Variants in ZPLD1 observed in about 807,000 individuals in gnomAD.
ZPLD1 encodes zona pellucida-like domain-containing protein 1.
A neutral mutation model predicts 47.2 loss-of-function variants in ZPLD1; 34 were observed. The observed-to-expected ratio is 0.72, with a 90% CI of 0.55 to 0.96. The LOEUF (loss-of-function observed/expected upper bound fraction) is 0.96, where lower values mean the gene tolerates loss of function less well. Ranked by LOEUF, ZPLD1 falls within the 40% of genes least tolerant of loss-of-function variation. The pLI is 0.00. For missense variants in ZPLD1, 512 were observed against 505.8 expected (o/e 1.01, Z -0.12); for synonymous variants, 176 against 186.2 (o/e 0.95, Z 0.45).
At chr3:102,438,778 T>A (rs1427281851) in intron 3 of ZPLD1, among the ~76,000 whole-genome samples, 185 bp downstream of exon 3, 1 of 151,872 alleles carries the variant, frequency 6.6e-6, no homozygotes, top group Non-Finnish European at 1.5e-5. Context: ...ACATACAAAG[T>A]GTTCATCATA....
intron 7 of ZPLD1, among the ~76,000 whole-genome samples, chr3:102,411,418 A>G (rs1281170282): frequency 6.6e-6 from 1 of 151,782 alleles, no homozygotes; most frequent in Non-Finnish European, 1.5e-5. Context: ...TGAGCTTTAT[A>G]ATTTTTCTAG....
intron 4 of ZPLD1, 142 bp downstream of exon 4, chr3:102,453,281 C>T (rs1280641009): frequency 5.5e-6 from 4 of 726,474 alleles, no homozygotes; most frequent in Admixed American, 2.8e-5. Context: ...CTGTTTGAGG[C>T]ATGCACTAGC....
intron 7 of ZPLD1, among the ~76,000 whole-genome samples, chr3:102,414,036 C>A (rs1706776609): frequency 1.3e-5 from 2 of 151,686 alleles, no homozygotes; most frequent in Non-Finnish European, 2.9e-5. Flanking sequence ...TGTGTGCTTT[C>A]CAGTTGGACA....
At chr3:102,421,248 A>G (rs1706875400) in intron 8 of ZPLD1, among the ~76,000 whole-genome samples, 1 of 151,926 alleles carries the variant, frequency 6.6e-6, no homozygotes, top group Non-Finnish European at 1.5e-5. Context: ...TCATTACATG[A>G]CAGAATATAA....
chr3:102,456,970 G>A (rs147973870), intron 5 of ZPLD1, among the ~76,000 whole-genome samples: 6 of 152,226 alleles, frequency 3.9e-5, no homozygotes, highest in East Asian at 3.9e-4. Context: ...TTATATTCAC[G>A]TATGCATTAT....
At chr3:102,447,384 C>T (rs1185067681) in intron 3 of ZPLD1, among the ~76,000 whole-genome samples, 1 of 152,084 alleles carries the variant, frequency 6.6e-6, no homozygotes, top group Non-Finnish European at 1.5e-5. Flanking sequence ...TTTTCTTTTA[C>T]ACTATACACT....
chr3:102,409,718 T>G (rs555506948), intron 7 of ZPLD1, among the ~76,000 whole-genome samples: 2 of 151,900 alleles, frequency 1.3e-5, no homozygotes, highest in South Asian at 4.1e-4. Context: ...GGAGTTTCCA[T>G]TTTTTGCTGA....
rs138855556 is a variant in ZPLD1, at chr3:102,440,137, A to G, written c.106+1544A>G. 9.0e-3 allele frequency among the ~76,000 whole-genome samples: 1,369 copies of G among 152,314 alleles called. 18 individuals carry two copies. Among genetic ancestry groups the G allele is most frequent in the African/African-American group, 0.03 (1,261 of 41,566 alleles). On this transcript the variant is annotated intron_variant, in intron 3 of 11. Transcript: ENST00000466937. The stretch of plus-strand genomic sequence containing the variant: ...GAGAACATGTGTTATGTAGTGTAAT[A>G]AAAGTGTTTTCTCTTAATTTTGAAT...
At chr3:102,454,526 C>G (rs751818510) in intron 4 of ZPLD1, among the ~76,000 whole-genome samples, 10 of 152,118 alleles carry the variant, frequency 6.6e-5, no homozygotes, top group African/African-American at 2.4e-4. Context: ...AATGTGTGTG[C>G]TGTTTACCTT....
intron 7 of ZPLD1, among the ~76,000 whole-genome samples, chr3:102,394,947 C>T (rs924538216): frequency 6.6e-6 from 1 of 152,024 alleles, no homozygotes; most frequent in Non-Finnish European, 1.5e-5. Context: ...AAAGGTAAAG[C>T]CATTATAGGT....
At chr3:102,438,674 G>A in intron 3 of ZPLD1, 81 bp downstream of exon 3, 2 of 990,196 alleles carry the variant, frequency 2.0e-6, no homozygotes, top group Non-Finnish European at 3.1e-6. Flanking sequence ...AAATATATAT[G>A]GAGAACGGGG....
At position 102,470,456 on chromosome 3, in the gene ZPLD1, T is replaced by C. The variant is rs759989433; in HGVS notation, c.996T>C (p.Ser332=). 1 of 1,614,052 alleles carries C rather than the reference T, an allele frequency of 6.2e-7. No individual in the cohort carries two copies. The highest frequency in any genetic ancestry group is 2.2e-5 in the East Asian group (1 of 44,872). ...GRRTTWSPQS[S]SGSAVLSAGP... Reference sequence around the variant, plus strand: ...GGACGACTTGGAGCCCCCAGAGCTCTTCTGGCAGCGCGGTGCTCTCTGCTG... The same window carrying C: ...GGACGACTTGGAGCCCCCAGAGCTCCTCTGGCAGCGCGGTGCTCTCTGCTG... Residue 332 remains serine (S), a synonymous_variant, in exon 10 of 12, where the codon TCT becomes TCC. Transcript: ENST00000466937.
intron 3 of ZPLD1, among the ~76,000 whole-genome samples, chr3:102,452,494 T>C (rs1458621740): frequency 1.3e-5 from 2 of 152,206 alleles, no homozygotes; most frequent in Non-Finnish European, 2.9e-5. Context: ...TTTCAACTGC[T>C]TTCTCCTTAT....
At chr3:102,459,754 C>A (rs570668330) in intron 6 of ZPLD1, among the ~76,000 whole-genome samples, 1 of 152,056 alleles carries the variant, frequency 6.6e-6, no homozygotes, top group African/African-American at 2.4e-5. Flanking sequence ...CCCACATATA[C>A]CCCCTCCCCT....
intron 8 of ZPLD1, among the ~76,000 whole-genome samples, chr3:102,420,264 G>C (rs1706861309): frequency 6.6e-6 from 1 of 151,856 alleles, no homozygotes; most frequent in Non-Finnish European, 1.5e-5. Context: ...AAGGCTTGCA[G>C]AAAAATATAT....
At chr3:102,466,509 T>TC (rs1264212408) in intron 8 of ZPLD1, among the ~76,000 whole-genome samples, 1 of 152,172 alleles carries the variant, frequency 6.6e-6, no homozygotes, top group African/African-American at 2.4e-5. Context: ...ATATATACAT[T>TC]CCCACATTAA....
intron 10 of ZPLD1, among the ~76,000 whole-genome samples, chr3:102,474,600 T>TA (rs899105645): frequency 1.4e-4 from 21 of 151,216 alleles, no homozygotes; most frequent in East Asian, 5.9e-4. Context: ...TAAAGTTTTT[T>TA]AAAAAAAAAA....
chr3:102,392,392 A>G (rs1246318269), intron 7 of ZPLD1, among the ~76,000 whole-genome samples: 2 of 152,196 alleles, frequency 1.3e-5, no homozygotes, highest in Non-Finnish European at 2.9e-5. Context: ...GTCCAAGGTC[A>G]AGGGACCATA....
chr3:102,439,771 A>G (rs1707147136), intron 3 of ZPLD1, among the ~76,000 whole-genome samples: 1 of 152,210 alleles, frequency 6.6e-6, no homozygotes, highest in Admixed American at 6.5e-5. Context: ...GATGGAAAAG[A>G]ACTTAAAAAT....
Sources: allele counts gnomAD v4.1 joint callset (sites outside exome capture counted in the v4.1 genomes callset), GRCh38; gene constraint gnomAD v4.1.1; transcripts MANE v1.5; gene names NCBI Gene and HGNC (gene_info 2026-07-23, HGNC 2026-07-21).